The following BACH2 variants were observed in gnomAD, a reference collection of about 807,000 sequenced individuals.
The protein encoded by BACH2 is transcription regulator protein BACH2.
BACH2 carries 5 observed loss-of-function variants against 61.8 expected under a neutral mutation model. The observed-to-expected ratio is 0.08, with a 90% CI of 0.04 to 0.17. The LOEUF is 0.17. BACH2 is among the 10% of genes least tolerant of loss of function. The pLI, the probability that BACH2 is intolerant of heterozygous loss-of-function variation, is 1.00. For synonymous variants in BACH2, 446 were observed against 440.1 expected (o/e 1.01, Z -0.17); for missense variants, 824 against 1,091.1 (o/e 0.76, Z 3.45).
intron 6 of BACH2, among the ~76,000 whole-genome samples, chr6:89,953,575 T>C (rs1256775626): frequency 1.3e-5 from 2 of 152,250 alleles, no homozygotes; most frequent in Non-Finnish European, 2.9e-5. Context: ...TGCCTGTTTC[T>C]ACCATAAGAC....
chr6:90,068,478 G>A (rs1463329969), intron 5 of BACH2, among the ~76,000 whole-genome samples: 3 of 152,134 alleles, frequency 2.0e-5, no homozygotes, highest in African/African-American at 7.2e-5. Context: ...CACAAGGCAA[G>A]CATTTCTCTT....
chr6:89,973,878 GA>G (rs1213566386), intron 6 of BACH2, among the ~76,000 whole-genome samples: 1 of 151,914 alleles, frequency 6.6e-6, no homozygotes, highest in Non-Finnish European at 1.5e-5. Flanking sequence ...TAAAGTGAAA[GA>G]AAAATGATGA....
chr6:90,228,616 G>A (rs890821487), intron 3 of BACH2, among the ~76,000 whole-genome samples: 2 of 152,148 alleles, frequency 1.3e-5, no homozygotes, highest in Admixed American at 6.5e-5. Flanking sequence ...AGGCTTGGTG[G>A]CACACCAAGC....
intron 4 of BACH2, chr6:90,116,936 T>A: frequency 2.3e-6 from 1 of 436,994 alleles, no homozygotes; most frequent in Non-Finnish European, 4.2e-6. Flanking sequence ...TCCAAGTACA[T>A]GTGCAGCTTC....
chr6:89,945,569 T>G (rs1444112208), intron 7 of BACH2, among the ~76,000 whole-genome samples: 1 of 152,202 alleles, frequency 6.6e-6, no homozygotes, highest in Non-Finnish European at 1.5e-5. Context: ...GAGGAGTAAC[T>G]GCTAATAGGT....
intron 7 of BACH2, among the ~76,000 whole-genome samples, chr6:89,939,633 T>C (rs1773279314): frequency 6.6e-6 from 1 of 151,292 alleles, no homozygotes; most frequent in African/African-American, 2.4e-5. Flanking sequence ...CCTTACTATG[T>C]TGTTAAATGA....
At chr6:89,995,080 G>T (rs1432458713) in intron 6 of BACH2, among the ~76,000 whole-genome samples, 1 of 152,086 alleles carries the variant, frequency 6.6e-6, no homozygotes, top group Non-Finnish European at 1.5e-5. Flanking sequence ...TTTATAACTG[G>T]TTTGTGTAAA....
intron 2 of BACH2, among the ~76,000 whole-genome samples, chr6:90,258,564 T>C (rs1216268846): frequency 6.6e-6 from 1 of 152,220 alleles, no homozygotes; most frequent in Non-Finnish European, 1.5e-5. Flanking sequence ...CATGGTTCTG[T>C]ACAAATTTAA....
At chr6:90,010,875 G>A (rs866629545) in intron 5 of BACH2, among the ~76,000 whole-genome samples, 2 of 152,208 alleles carry the variant, frequency 1.3e-5, no homozygotes, top group Middle Eastern at 3.4e-3. Flanking sequence ...TTTGACCTCT[G>A]TATATTTTCT....
chr6:90,210,341 A>G (rs867800652), intron 3 of BACH2, among the ~76,000 whole-genome samples: 1 of 134,888 alleles, frequency 7.4e-6, no homozygotes, highest in African/African-American at 2.6e-5. Context: ...ACACACACAC[A>G]CACACACACG....
intron 5 of BACH2, among the ~76,000 whole-genome samples, chr6:90,044,071 A>G (rs1017079634): frequency 3.9e-5 from 6 of 152,250 alleles, no homozygotes; most frequent in African/African-American, 1.4e-4. Context: ...CTGAGGATAT[A>G]GCAATGAACA....
At chr6:90,160,347 G>A (rs1196416603) in intron 4 of BACH2, among the ~76,000 whole-genome samples, 1 of 152,234 alleles carries the variant, frequency 6.6e-6, no homozygotes, top group Non-Finnish European at 1.5e-5. Flanking sequence ...TGTGTGGGCT[G>A]TAGGGGACAG....
intron 4 of BACH2, among the ~76,000 whole-genome samples, chr6:90,161,866 G>T (rs1156923883): frequency 6.6e-6 from 1 of 152,170 alleles, no homozygotes; most frequent in Non-Finnish European, 1.5e-5. Flanking sequence ...GTACCAACCA[G>T]CGTCTCGATG....
chr6:89,932,140 T>A lies in BACH2; in HGVS notation c.*268A>T. 2.6e-6 allele frequency: 1 copy of A among 382,280 alleles called. No individual in the cohort carries two copies. The highest frequency in any genetic ancestry group is 4.8e-6 in the Non-Finnish European group (1 of 209,298). 23.7% of individuals were successfully genotyped at this position (382,280 alleles called of 1,614,324 possible). On this transcript the variant is annotated 3_prime_UTR_variant, in exon 9 of 9. Transcript: ENST00000257749. ...CTAGAGGTGTTGTAGTCTATCCCTG[T>A]GAAGACTGAAATTGAGCCACAGACA...
intron 4 of BACH2, among the ~76,000 whole-genome samples, chr6:90,133,282 G>C (rs2127824161): frequency 6.6e-6 from 1 of 152,264 alleles, no homozygotes; most frequent in South Asian, 2.1e-4. Flanking sequence ...AAATTGAAGT[G>C]AAATGCAAGA....
At chr6:90,028,506 G>A (rs151297661) in intron 5 of BACH2, among the ~76,000 whole-genome samples, 1 of 152,290 alleles carries the variant, frequency 6.6e-6, no homozygotes, top group East Asian at 1.9e-4. Flanking sequence ...ATCATGAGGG[G>A]CAGGATCCTG....
At chr6:90,189,107 G>C (rs962181412) in intron 4 of BACH2, among the ~76,000 whole-genome samples, 2 of 151,958 alleles carry the variant, frequency 1.3e-5, no homozygotes, top group African/African-American at 2.4e-5. Context: ...ATTTACATTT[G>C]GTCTAAAAGC....
intron 4 of BACH2, among the ~76,000 whole-genome samples, chr6:90,149,485 G>A (rs997093432): frequency 2.6e-5 from 4 of 152,166 alleles, no homozygotes; most frequent in Non-Finnish European, 5.9e-5. Flanking sequence ...GAAATATCTC[G>A]ATTCATACAG....
chr6:90,166,373 T>C (rs1767618050), intron 4 of BACH2, among the ~76,000 whole-genome samples: 1 of 152,114 alleles, frequency 6.6e-6, no homozygotes. Flanking sequence ...TCACACCAGT[T>C]AGAATGGCAA....
Sources: gnomAD v4.1 joint callset for allele counts (sites outside exome capture counted in the v4.1 genomes callset) on GRCh38, gnomAD v4.1.1 for gene constraint, MANE v1.5 for transcripts, NCBI Gene and HGNC (gene_info 2026-07-23, HGNC 2026-07-21) for gene names.